SPATA6: variants seen among roughly 807,000 people sequenced by gnomAD.
SPATA6 encodes spermatogenesis associated 6.
In SPATA6, 56 loss-of-function variants were observed where a neutral mutation model predicts 65.3. The ratio of observed to expected loss-of-function variants is 0.86; its 90% CI spans 0.69 to 1.07. The LOEUF (loss-of-function observed/expected upper bound fraction) is 1.07, where lower values mean the gene tolerates loss of function less well. Among genes scored for constraint, SPATA6 ranks in the 50% least tolerant of loss-of-function variants. The pLI is 0.00. For synonymous variants in SPATA6, 199 were observed against 213.2 expected (o/e 0.93, Z 0.58); for missense variants, 590 against 594.8 (o/e 0.99, Z 0.08).
intron 11 of SPATA6, among the ~76,000 whole-genome samples, chr1:48,346,883 GC>G (rs1331368192): frequency 6.6e-6 from 1 of 151,874 alleles, no homozygotes; most frequent in African/African-American, 2.4e-5. Context: ...CCTTAAAATG[GC>G]CATACTGTCC....
intron 3 of SPATA6, among the ~76,000 whole-genome samples, chr1:48,433,276 T>C (rs1186206901): frequency 6.6e-6 from 1 of 152,150 alleles, no homozygotes; most frequent in Admixed American, 6.5e-5. Flanking sequence ...ATGATTAAGA[T>C]AGTAAATTTC....
chr1:48,302,943 A>C (rs1644975468), intron 12 of SPATA6, among the ~76,000 whole-genome samples: 1 of 151,968 alleles, frequency 6.6e-6, no homozygotes, highest in African/African-American at 2.4e-5. Flanking sequence ...TGTTTCTGTT[A>C]ATGGAATTTC....
At chr1:48,266,689 C>G in the SPATA6 span, among the ~76,000 whole-genome samples, 1 of 152,182 alleles carries the variant, frequency 6.6e-6, no homozygotes, top group Admixed American at 6.5e-5. Context: ...AATTCAAAAG[C>G]TGGCATCTTT....
At chr1:48,352,691 C>CA (rs1557599710) in intron 11 of SPATA6, among the ~76,000 whole-genome samples, 2 of 151,584 alleles carry the variant, frequency 1.3e-5, no homozygotes, top group African/African-American at 2.4e-5. Flanking sequence ...AAGAGTTTTC[C>CA]AAAACAGATG....
intron 3 of SPATA6, among the ~76,000 whole-genome samples, chr1:48,427,324 T>C (rs1273593435): frequency 6.6e-6 from 1 of 151,548 alleles, no homozygotes; most frequent in Non-Finnish European, 1.5e-5. Flanking sequence ...AATGAGAATA[T>C]TTTAATCAAA....
rs1340658365 is a variant in SPATA6, at chr1:48,403,568, G to T, written c.486+234C>A. Reference sequence around the variant, plus strand: ...AAAAAGTCCAAGAAGTAAAAAAATAGTAGTAATAATAATCACAAGATGACA... The same window carrying T: ...AAAAAGTCCAAGAAGTAAAAAAATATTAGTAATAATAATCACAAGATGACA... On this transcript the variant is annotated intron_variant, in intron 6 of 12. Coordinates refer to ENST00000371847, the MANE Select transcript of SPATA6 (RefSeq NM_019073.4). Among the ~76,000 whole-genome samples the T allele has an allele frequency of 2.0e-5, 3 of 152,100 alleles. No individual in the cohort carries two copies. In the East Asian group the frequency reaches 5.8e-4, roughly 29 times the overall value.
In SPATA6 at chr1:48,312,339, T is replaced by C. The variant is rs572013330; in HGVS notation, c.1195-6461A>G. 3.3e-5 allele frequency among the ~76,000 whole-genome samples: 5 copies of C among 151,730 alleles called. No homozygotes were observed. The South Asian group carries it at 6.2e-4, about 19-fold the overall frequency. ...CCCAGTAGGGGCAGACTGACTACTC[T>C]GAGACAAAACTTCCAGAGGAAAGAT... On this transcript the variant is annotated intron_variant, in intron 11 of 12. Transcript: ENST00000371847.
the SPATA6 span, among the ~76,000 whole-genome samples, chr1:48,268,714 A>G: frequency 6.6e-6 from 1 of 152,192 alleles, no homozygotes; most frequent in African/African-American, 2.4e-5. Flanking sequence ...TTCACATGTA[A>G]AACCTACATA....
At chr1:48,324,008 G>A (rs12563140) in intron 11 of SPATA6, among the ~76,000 whole-genome samples, 3,005 of 152,056 alleles carry the variant, frequency 0.02, 119 homozygotes, top group East Asian at 0.2. Flanking sequence ...GGAGGACAGC[G>A]GTGTGATCAC....
Position 48,436,338 on chromosome 1 carries a change from A to G in SPATA6, c.238+15214T>C, listed in dbSNP as rs918056063. ...ATCCCAATATTACAACTTACTGGACAGTTTTCACTGTTGGCAGCTGGCTTT... is the reference window on the plus strand; with the variant it reads ...ATCCCAATATTACAACTTACTGGACGGTTTTCACTGTTGGCAGCTGGCTTT... On this transcript the variant is annotated intron_variant, in intron 3 of 12. Transcript: ENST00000371847. 4 of 1,612,366 alleles carry G rather than the reference A, an allele frequency of 2.5e-6. No homozygotes were observed. The African/African-American group carries it at 5.3e-5, about 22-fold the overall frequency.
At chr1:48,468,606 T>C (rs1467545300) in intron 1 of SPATA6, among the ~76,000 whole-genome samples, 1 of 152,004 alleles carries the variant, frequency 6.6e-6, no homozygotes, top group Non-Finnish European at 1.5e-5. Context: ...AACAAGGGAA[T>C]TGCGAGGGGT....
intron 11 of SPATA6, among the ~76,000 whole-genome samples, chr1:48,343,753 T>C (rs976255366): frequency 7.2e-5 from 11 of 152,138 alleles, no homozygotes; most frequent in African/African-American, 2.7e-4. Context: ...GGAAAAATTA[T>C]ACGGGAATAC....
At chr1:48,387,949 A>G (rs72893286) in intron 8 of SPATA6, among the ~76,000 whole-genome samples, 3,755 of 152,268 alleles carry the variant, frequency 0.025, 100 homozygotes, top group African/African-American at 0.067. Flanking sequence ...GGCTACCCAG[A>G]GGCTTGAGAA....
intron 9 of SPATA6, among the ~76,000 whole-genome samples, chr1:48,372,771 A>C (rs1049115082): frequency 3.3e-5 from 5 of 152,148 alleles, no homozygotes; most frequent in African/African-American, 9.7e-5. Context: ...TCAATTCTTG[A>C]CTTCTGTGCA....
In SPATA6 at chr1:48,297,125, GGTGT is replaced by G. The variant is rs34890514; in HGVS notation, c.*1584_*1587del. 0.016 allele frequency: 2,375 copies of G among 144,332 alleles called. 21 individuals carry two copies. Among genetic ancestry groups the G allele is most frequent in the Middle Eastern group, 0.031 (9 of 286 alleles). 8.9% of individuals were successfully genotyped at this position (144,332 alleles called of 1,614,324 possible). On this transcript the variant is annotated 3_prime_UTR_variant, in exon 13 of 13. Transcript: ENST00000371847. ...TAATCCTACATATGACTCTCTAAGA[GGTGT>G]GTGTGTGTGTGTGTGTGTGTGTGTG...
At chr1:48,284,738 T>C in the SPATA6 span, among the ~76,000 whole-genome samples, 1 of 152,198 alleles carries the variant, frequency 6.6e-6, no homozygotes, top group Non-Finnish European at 1.5e-5. Context: ...AGACCCTGTT[T>C]GCCTGGTTAT....
intron 11 of SPATA6, among the ~76,000 whole-genome samples, chr1:48,354,725 G>C (rs1314666470): frequency 6.6e-6 from 1 of 151,828 alleles, no homozygotes. Flanking sequence ...CTTGCTGTTA[G>C]AAGATAAAAA....
chr1:48,291,097 G>T (rs1341183374), downstream of SPATA6, among the ~76,000 whole-genome samples: 1 of 152,214 alleles, frequency 6.6e-6, no homozygotes, highest in Non-Finnish European at 1.5e-5. Flanking sequence ...ATAGCTGGAA[G>T]TAAAGCACTC....
chr1:48,472,085 G>A lies in SPATA6; in HGVS notation c.-77C>T. 1 of 1,032,812 alleles carries A rather than the reference G, an allele frequency of 9.7e-7. No individual in the cohort carries two copies. The highest frequency in any genetic ancestry group is 1.3e-6 in the Non-Finnish European group (1 of 750,942). 64.0% of individuals were successfully genotyped at this position (1,032,812 alleles called of 1,614,324 possible). The stretch of plus-strand genomic sequence containing the variant: ...GCGGGGAGACCTGGGGCTGGGCGGG[G>A]ACGGGGAGGAGACGAGGTGGCGGCG... On this transcript the variant is annotated 5_prime_UTR_variant, in exon 1 of 13. Coordinates refer to ENST00000371847, the MANE Select transcript of SPATA6 (RefSeq NM_019073.4).
Sources: allele counts gnomAD v4.1 joint callset (sites outside exome capture counted in the v4.1 genomes callset), GRCh38; gene constraint gnomAD v4.1.1; transcripts MANE v1.5; gene names NCBI Gene and HGNC (gene_info 2026-07-23, HGNC 2026-07-21).